SGCD: variants seen among roughly 807,000 people sequenced by gnomAD.
SGCD encodes the protein sarcoglycan delta.
SGCD carries 18 observed loss-of-function variants against 36.6 expected under a neutral mutation model. The ratio of observed to expected loss-of-function variants is 0.49; its 90% CI spans 0.34 to 0.73. SGCD has a LOEUF of 0.73. Ranked by LOEUF, SGCD falls within the 30% of genes least tolerant of loss-of-function variation. SGCD has a pLI of 0.01. For synonymous variants in SGCD, 133 were observed against 130.6 expected, an observed-to-expected ratio of 1.02 and a Z score of -0.12; for missense variants, 387 against 346.7, an observed-to-expected ratio of 1.12 and a Z score of -0.92.
intron 3 of SGCD, among the ~76,000 whole-genome samples, chr5:156,282,392 C>A (rs996100661): frequency 2.0e-5 from 3 of 152,098 alleles, no homozygotes; most frequent in African/African-American, 7.2e-5. Context: ...GCATCGTACC[C>A]CTCCCAGCAG....
intron 1 of SGCD, among the ~76,000 whole-genome samples, chr5:155,985,072 T>C (rs1720982667): frequency 6.6e-6 from 1 of 152,246 alleles, no homozygotes. Context: ...CTGGGTTAAT[T>C]GGATAAGTCC....
chr5:155,746,339 A>G, the SGCD span, among the ~76,000 whole-genome samples: 1 of 152,116 alleles, frequency 6.6e-6, no homozygotes, highest in Non-Finnish European at 1.5e-5. Flanking sequence ...AGGAAATAAG[A>G]GTACAGTCCA....
At chr5:156,079,998 G>A (rs1224615292) in intron 1 of SGCD, among the ~76,000 whole-genome samples, 1 of 152,226 alleles carries the variant, frequency 6.6e-6, no homozygotes, top group Non-Finnish European at 1.5e-5. Flanking sequence ...GCAGGCTTCT[G>A]CCTGGACACC....
intron 6 of SGCD, among the ~76,000 whole-genome samples, chr5:156,610,876 C>G (rs1234224714): frequency 1.3e-5 from 2 of 152,246 alleles, no homozygotes; most frequent in Admixed American, 1.3e-4. Context: ...GTGCCGTTTG[C>G]TAAGACCGTT....
intron 6 of SGCD, among the ~76,000 whole-genome samples, chr5:156,597,731 TA>T (rs1293846855): frequency 6.6e-6 from 1 of 150,394 alleles, no homozygotes; most frequent in Non-Finnish European, 1.5e-5. Flanking sequence ...ACTTATTTTT[TA>T]AAACCCCTTA....
At chr5:156,074,642 T>C (rs1382739078) in intron 1 of SGCD, among the ~76,000 whole-genome samples, 2 of 152,008 alleles carry the variant, frequency 1.3e-5, no homozygotes, top group African/African-American at 4.8e-5. Flanking sequence ...ATTATACCAC[T>C]GCACTCAAGC....
chr5:156,112,841 C>T (rs1358828267), intron 1 of SGCD, among the ~76,000 whole-genome samples: 1 of 152,122 alleles, frequency 6.6e-6, no homozygotes, highest in Non-Finnish European at 1.5e-5. Context: ...CATTTCCTAG[C>T]CAGGCACTCT....
At chr5:156,522,067 CCAT>C (rs1032967167) in intron 4 of SGCD, among the ~76,000 whole-genome samples, 9 of 152,072 alleles carry the variant, frequency 5.9e-5, no homozygotes, top group Non-Finnish European at 8.8e-5. Flanking sequence ...AAGCTGGAAA[CCAT>C]CATTCTCAGC....
chr5:155,870,710 C>A (rs923203058), intron 1 of SGCD, among the ~76,000 whole-genome samples: 1 of 152,134 alleles, frequency 6.6e-6, no homozygotes, highest in African/African-American at 2.4e-5. Context: ...CCACAATTCT[C>A]AATATTTAGA....
intron 7 of SGCD, among the ~76,000 whole-genome samples, chr5:156,744,731 A>C (rs1756864070): frequency 6.6e-6 from 1 of 152,196 alleles, no homozygotes; most frequent in Non-Finnish European, 1.5e-5. Flanking sequence ...ACTTCCATGG[A>C]GCTTTCTAGC....
At chr5:155,824,814 T>C in the SGCD span, among the ~76,000 whole-genome samples, 1 of 152,208 alleles carries the variant, frequency 6.6e-6, no homozygotes. Flanking sequence ...ATTGTATCGC[T>C]ACCACTTACT....
At chr5:156,556,333 T>G (rs559977220) in intron 4 of SGCD, among the ~76,000 whole-genome samples, 2 of 152,226 alleles carry the variant, frequency 1.3e-5, no homozygotes, top group South Asian at 4.1e-4. Context: ...CTGAAGGGTC[T>G]TTTTCTAGAA....
the SGCD span, among the ~76,000 whole-genome samples, chr5:155,806,114 A>AT: frequency 1.3e-5 from 2 of 152,158 alleles, no homozygotes; most frequent in South Asian, 2.1e-4. Context: ...ATTTCATATG[A>AT]TTTTTAAAAC....
At chr5:156,087,653 A>C (rs1033192697) in intron 1 of SGCD, among the ~76,000 whole-genome samples, 9 of 151,906 alleles carry the variant, frequency 5.9e-5, no homozygotes, top group Non-Finnish European at 1.3e-4. Context: ...AAAAAAAAAA[A>C]AAAAAAAACT....
intron 6 of SGCD, among the ~76,000 whole-genome samples, chr5:156,609,404 C>A (rs566588533): frequency 6.6e-6 from 1 of 152,096 alleles, no homozygotes; most frequent in Admixed American, 6.5e-5. Flanking sequence ...GAGTTTCTGC[C>A]GAGAGATCGG....
intron 3 of SGCD, among the ~76,000 whole-genome samples, chr5:156,302,751 T>C (rs1435387604): frequency 6.6e-6 from 1 of 152,226 alleles, no homozygotes; most frequent in Non-Finnish European, 1.5e-5. Context: ...CTTGGTGGTC[T>C]TGGGTTATAT....
intron 3 of SGCD, among the ~76,000 whole-genome samples, chr5:156,393,136 C>G (rs1771670584): frequency 6.6e-6 from 1 of 152,188 alleles, no homozygotes; most frequent in Admixed American, 6.5e-5. Context: ...CTTCTCTTCT[C>G]AGCATTTCGC....
intron 6 of SGCD, among the ~76,000 whole-genome samples, chr5:156,601,918 T>C (rs1761208574): frequency 6.6e-6 from 1 of 152,198 alleles, no homozygotes; most frequent in African/African-American, 2.4e-5. Flanking sequence ...CCTGACCTTG[T>C]GATCTGCCTG....
the SGCD span, among the ~76,000 whole-genome samples, chr5:155,823,304 G>GA: frequency 1.9e-3 from 210 of 110,478 alleles, no homozygotes; most frequent in African/African-American, 1.7e-3. Flanking sequence ...CAGTGAAGCA[G>GA]AAAAAAAAAA....
Sources: allele counts gnomAD v4.1 joint callset (sites outside exome capture counted in the v4.1 genomes callset), GRCh38; gene constraint gnomAD v4.1.1; transcripts MANE v1.5; gene names NCBI Gene and HGNC (gene_info 2026-07-23, HGNC 2026-07-21).